The following LINGO2 variants were observed in gnomAD, a reference collection of about 807,000 sequenced individuals.
The protein encoded by LINGO2 is leucine rich repeat and Ig domain containing 2.
Under a neutral mutation model 30.6 loss-of-function variants are expected in LINGO2, and 14 were observed. The observed-to-expected ratio is 0.46, with a 90% confidence interval of 0.30 to 0.72. The LOEUF is 0.72. LINGO2 is among the 30% of genes least tolerant of loss of function. The pLI, the probability that LINGO2 is intolerant of heterozygous loss-of-function variation, is 0.07. For missense variants in LINGO2, 729 were observed against 751.7 expected, an observed-to-expected ratio of 0.97 and a Z score of 0.35; for synonymous variants, 317 against 288.5, an observed-to-expected ratio of 1.10 and a Z score of -1.00.
the LINGO2 span, among the ~76,000 whole-genome samples, chr9:29,211,765 A>C: frequency 6.6e-6 from 1 of 151,964 alleles, no homozygotes; most frequent in African/African-American, 2.4e-5. Flanking sequence ...GGAGTCTTGC[A>C]CTCCAGTCTA....
chr9:29,059,725 A>G, the LINGO2 span, among the ~76,000 whole-genome samples: 1 of 152,082 alleles, frequency 6.6e-6, no homozygotes, highest in African/African-American at 2.4e-5. Flanking sequence ...GCCTGACGTT[A>G]TCATAATTCT....
At chr9:29,009,203 G>T in the LINGO2 span, among the ~76,000 whole-genome samples, 2 of 152,120 alleles carry the variant, frequency 1.3e-5, no homozygotes, top group Admixed American at 6.6e-5. Flanking sequence ...GCAAGAGAAA[G>T]AAATAAAGGG....
intron 4 of LINGO2, among the ~76,000 whole-genome samples, chr9:28,036,003 G>A (rs1402273790): frequency 1.3e-5 from 2 of 152,094 alleles, no homozygotes; most frequent in Non-Finnish European, 2.9e-5. Context: ...ATTATTGTTG[G>A]AATAGTAGAT....
exon 6 of LINGO2, chr9:27,949,107 T>A: frequency 1.2e-6 from 2 of 1,614,152 alleles, no homozygotes; most frequent in Non-Finnish European, 1.7e-6. Context: ...AATGGTGTCA[T>A]TGGAGTCGGT....
intron 3 of LINGO2, among the ~76,000 whole-genome samples, chr9:28,321,331 A>T (rs1825034445): frequency 6.6e-6 from 1 of 152,190 alleles, no homozygotes; most frequent in African/African-American, 2.4e-5. Context: ...AGCCCACAAG[A>T]TATAACATGT....
At chr9:29,023,711 T>C in the LINGO2 span, among the ~76,000 whole-genome samples, 43 of 152,198 alleles carry the variant, frequency 2.8e-4, no homozygotes, top group African/African-American at 9.6e-4. Context: ...TGGCTTAAGT[T>C]AGTCTAAACT....
the LINGO2 span, among the ~76,000 whole-genome samples, chr9:28,752,825 A>G: frequency 6.6e-6 from 1 of 152,028 alleles, no homozygotes; most frequent in East Asian, 1.9e-4. Context: ...CAGCCTAATT[A>G]ATTTTGCCTC....
intron 5 of LINGO2, among the ~76,000 whole-genome samples, chr9:27,994,697 A>C (rs1821569508): frequency 6.6e-6 from 1 of 151,974 alleles, no homozygotes; most frequent in East Asian, 2.0e-4. Context: ...CATATTCAAC[A>C]TTGGCCCACG....
the LINGO2 span, among the ~76,000 whole-genome samples, chr9:29,095,330 A>G: frequency 1.1e-4 from 15 of 138,896 alleles, 3 homozygotes; most frequent in East Asian, 3.7e-3. Flanking sequence ...AAGATTTCTC[A>G]AAAGGAAAAA....
chr9:28,282,509 T>A (rs1351300053), intron 4 of LINGO2, among the ~76,000 whole-genome samples: 1 of 152,070 alleles, frequency 6.6e-6, no homozygotes, highest in Non-Finnish European at 1.5e-5. Flanking sequence ...AACACTGCCC[T>A]TTCTGCTAGT....
chr9:28,188,923 A>G lies in LINGO2; in HGVS notation c.-87+106285T>C, dbSNP rs145436867. ...GAACATAATCCATCCTTAATTGCCT[A>G]TAAGGGAAAAGCATCTCTTCAGAAA... On this transcript the variant is annotated intron_variant, in intron 4 of 5. Transcript: ENST00000379992. Among the ~76,000 whole-genome samples, 6 of 152,262 alleles carry G rather than the reference A, an allele frequency of 3.9e-5. No homozygotes were observed. The East Asian group carries it at 9.7e-4, about 25-fold the overall frequency.
the LINGO2 span, among the ~76,000 whole-genome samples, chr9:28,723,992 T>G: frequency 3.9e-5 from 6 of 152,148 alleles, no homozygotes; most frequent in African/African-American, 1.4e-4. Flanking sequence ...TATTTGCTTC[T>G]TCTGTGTTTA....
the LINGO2 span, among the ~76,000 whole-genome samples, chr9:29,028,015 G>A: frequency 2.0e-5 from 3 of 152,056 alleles, no homozygotes; most frequent in Non-Finnish European, 4.4e-5. Context: ...GATAATTCAG[G>A]CAAATAGGCT....
intron 4 of LINGO2, among the ~76,000 whole-genome samples, chr9:28,285,855 C>G (rs1192733812): frequency 6.6e-6 from 1 of 152,148 alleles, no homozygotes; most frequent in Non-Finnish European, 1.5e-5. Context: ...TGGCAGCATT[C>G]TAATAAATTC....
the LINGO2 span, among the ~76,000 whole-genome samples, chr9:29,137,008 AT>A: frequency 6.6e-6 from 1 of 152,192 alleles, no homozygotes; most frequent in Non-Finnish European, 1.5e-5. Context: ...ATCATCTCTC[AT>A]TGTCTAGTCC....
intron 1 of LINGO2, among the ~76,000 whole-genome samples, chr9:28,608,226 C>T (rs1481749857): frequency 6.6e-6 from 1 of 151,196 alleles, no homozygotes; most frequent in Non-Finnish European, 1.5e-5. Context: ...CTAACACTTT[C>T]CCTAAAATTA....
chr9:29,159,323 AG>A, the LINGO2 span, among the ~76,000 whole-genome samples: 1 of 152,318 alleles, frequency 6.6e-6, no homozygotes, highest in East Asian at 1.9e-4. Flanking sequence ...CTTCCAAAGT[AG>A]GTATTCTAGG....
At chr9:27,977,782 A>T (rs1785687071) in intron 5 of LINGO2, among the ~76,000 whole-genome samples, 1 of 151,488 alleles carries the variant, frequency 6.6e-6, no homozygotes, top group Admixed American at 6.6e-5. Flanking sequence ...AATGCTTCCC[A>T]GGGGAAAGAA....
chr9:28,376,783 A>G (rs1275933667), intron 2 of LINGO2, among the ~76,000 whole-genome samples: 4 of 152,188 alleles, frequency 2.6e-5, no homozygotes, highest in African/African-American at 9.6e-5. Flanking sequence ...GTAAATTTGG[A>G]AGACATGGAG....
Sources: allele counts gnomAD v4.1 joint callset (sites outside exome capture counted in the v4.1 genomes callset), GRCh38; gene constraint gnomAD v4.1.1; transcripts MANE v1.5; gene names NCBI Gene and HGNC (gene_info 2026-07-23, HGNC 2026-07-21).